Variants in RERE observed in about 807,000 individuals in gnomAD.
RERE encodes arginine-glutamic acid dipeptide repeats protein.
In RERE, 40 loss-of-function variants were observed where a neutral mutation model predicts 146.1. The ratio of observed to expected loss-of-function variants is 0.27; its 90% confidence interval spans 0.21 to 0.36. The LOEUF (loss-of-function observed/expected upper bound fraction) is 0.36, where lower values mean the gene tolerates loss of function less well. Among genes scored for constraint, RERE ranks in the 10% least tolerant of loss-of-function variants. The pLI is 1.00. For synonymous variants in RERE, 1,003 were observed against 866.0 expected, an observed-to-expected ratio of 1.16 and a Z score of -2.78; for missense variants, 1,933 against 2,138.7, an observed-to-expected ratio of 0.90 and a Z score of 1.90.
At chr1:8,435,587 C>G (rs1644159549) in intron 11 of RERE, among the ~76,000 whole-genome samples, 1 of 152,232 alleles carries the variant, frequency 6.6e-6, no homozygotes, top group Non-Finnish European at 1.5e-5. Context: ...GATGCCAGCT[C>G]AGCATCCAGA....
chr1:8,502,255 G>A (rs1308207603), intron 8 of RERE, among the ~76,000 whole-genome samples: 2 of 113,538 alleles, frequency 1.8e-5, no homozygotes, highest in South Asian at 3.3e-4. Context: ...TCCGGGAGGT[G>A]AGGGGCGCCT....
At chr1:8,674,958 G>A (rs897584003) in intron 1 of RERE, among the ~76,000 whole-genome samples, 2 of 152,312 alleles carry the variant, frequency 1.3e-5, no homozygotes, top group East Asian at 3.9e-4. Flanking sequence ...AGGCTGAAAT[G>A]TAAATGGAGC....
chr1:8,487,259 T>C (rs555978911), intron 10 of RERE, among the ~76,000 whole-genome samples: 6 of 152,020 alleles, frequency 3.9e-5, no homozygotes, highest in African/African-American at 1.2e-4. Flanking sequence ...ACAACCTGGA[T>C]ATATAAGAGA....
intron 12 of RERE, chr1:8,380,912 G>A: frequency 2.2e-6 from 1 of 456,678 alleles, no homozygotes; most frequent in South Asian, 1.5e-5. Context: ...CCAGGGCTTG[G>A]GAGCCTCCAT....
intron 1 of RERE, among the ~76,000 whole-genome samples, chr1:8,674,320 G>A (rs776029139): frequency 6.6e-6 from 1 of 152,050 alleles, no homozygotes; most frequent in African/African-American, 2.4e-5. Flanking sequence ...ATTATCATCA[G>A]AAGGAAAGTA....
chr1:8,537,185 T>C (rs947429864), intron 7 of RERE, among the ~76,000 whole-genome samples: 22 of 152,242 alleles, frequency 1.4e-4, no homozygotes, highest in African/African-American at 2.9e-4. Context: ...GCTGAGGCAA[T>C]AGAGTGTGAC....
chr1:8,418,960 A>G (rs111888107), intron 12 of RERE, among the ~76,000 whole-genome samples: 1 of 152,188 alleles, frequency 6.6e-6, no homozygotes, highest in African/African-American at 2.4e-5. Context: ...TGACTTATAC[A>G]AATATACTAA....
intron 12 of RERE, among the ~76,000 whole-genome samples, chr1:8,411,334 T>TC: frequency 6.6e-6 from 1 of 150,880 alleles, no homozygotes; most frequent in African/African-American, 2.4e-5. Flanking sequence ...TTTTTTTTTT[T>TC]AAAGAGATGG....
chr1:8,794,362 A>AC (rs1483193554), intron 1 of RERE, among the ~76,000 whole-genome samples: 1 of 149,154 alleles, frequency 6.7e-6, no homozygotes, highest in Non-Finnish European at 1.5e-5. Context: ...CGTCTCAAAA[A>AC]AAAAAAAAAA....
chr1:8,418,434 G>A (rs1321557072), intron 12 of RERE, among the ~76,000 whole-genome samples: 1 of 152,144 alleles, frequency 6.6e-6, no homozygotes, highest in African/African-American at 2.4e-5. Flanking sequence ...ACCAAGCTGG[G>A]GTAGATCACA....
chr1:8,425,456 G>A (rs755606224), intron 11 of RERE, among the ~76,000 whole-genome samples: 2 of 152,176 alleles, frequency 1.3e-5, no homozygotes, highest in Non-Finnish European at 2.9e-5. Context: ...AGTTCAGAAT[G>A]CCTTCGCCAA....
chr1:8,540,094 T>C (rs1645780677), intron 7 of RERE, among the ~76,000 whole-genome samples: 1 of 152,016 alleles, frequency 6.6e-6, no homozygotes, highest in Non-Finnish European at 1.5e-5. Flanking sequence ...TTTATTTATT[T>C]ATTTTTTATT....
At chr1:8,532,969 G>C (rs376331802) in intron 7 of RERE, among the ~76,000 whole-genome samples, 32 of 151,264 alleles carry the variant, frequency 2.1e-4, no homozygotes, top group Admixed American at 7.2e-4. Flanking sequence ...CTGACCTCAA[G>C]TGATCCACCG....
In RERE at chr1:8,356,166, T is replaced by G; in HGVS notation, c.4420A>C (p.Thr1474Pro). 1 of 1,517,850 alleles carries G rather than the reference T, an allele frequency of 6.6e-7. No individual in the cohort carries two copies. Among genetic ancestry groups the G allele is most frequent in the Non-Finnish European group, 8.7e-7 (1 of 1,142,932 alleles). 94.0% of individuals were successfully genotyped at this position (1,517,850 alleles called of 1,614,324 possible). ...HLARFPYPPG[T>P]LPNPLLGQPP... ...TGTCCAAGCAGAGGGTTGGGGAGAGTGCCAGGCGGGTAGGGGAAGCGAGCC... is the reference window on the plus strand; with the variant it reads ...TGTCCAAGCAGAGGGTTGGGGAGAGGGCCAGGCGGGTAGGGGAAGCGAGCC... The change falls in exon 21 of 23, where the codon ACT becomes CCT. Residue 1474 changes from threonine (T) to proline (P), a missense_variant. Physicochemically the swap from Thr to Pro is conservative, Grantham distance 38 (BLOSUM62 -1). This residue lies in a region of RERE where 133 missense variants were observed against 168.6 expected (regional missense o/e 0.79). Transcript: ENST00000400908. The surrounding 1 kb of genome is among the most constrained non-coding windows in gnomAD (Gnocchi z 5.2).
chr1:8,761,614 C>G (rs1640758067), intron 1 of RERE, among the ~76,000 whole-genome samples: 1 of 152,138 alleles, frequency 6.6e-6, no homozygotes, highest in Non-Finnish European at 1.5e-5. Context: ...ATTTCCCCTA[C>G]AGTTAGAAAG....
At chr1:8,480,143 GTTT>G (rs375571417) in intron 10 of RERE, among the ~76,000 whole-genome samples, 4 of 105,422 alleles carry the variant, frequency 3.8e-5, no homozygotes, top group African/African-American at 7.2e-5. Flanking sequence ...TTTTTTTTTT[GTTT>G]TTTTTTTTTT....
At chr1:8,501,162 G>C (rs1187096414) in intron 8 of RERE, among the ~76,000 whole-genome samples, 1 of 150,600 alleles carries the variant, frequency 6.6e-6, no homozygotes, top group Non-Finnish European at 1.5e-5. Flanking sequence ...CCGGGAGGGG[G>C]GGTCAGCCCC....
At chr1:8,390,208 T>C (rs556989381) in intron 12 of RERE, among the ~76,000 whole-genome samples, 13 of 152,228 alleles carry the variant, frequency 8.5e-5, no homozygotes, top group African/African-American at 3.1e-4. Flanking sequence ...GTGACACATC[T>C]GACAAGAACG....
At chr1:8,527,662 T>C (rs942600402) in intron 7 of RERE, among the ~76,000 whole-genome samples, 4 of 152,206 alleles carry the variant, frequency 2.6e-5, no homozygotes, top group Admixed American at 6.5e-5. Context: ...GGCCTTCCCC[T>C]GTGATAATGG....
Sources: gnomAD v4.1 joint callset for allele counts (sites outside exome capture counted in the v4.1 genomes callset) on GRCh38, gnomAD v4.1.1 for gene constraint, gnomAD v4.1.1 regional missense constraint, Gnocchi (gnomAD v3.1) non-coding constraint, MANE v1.5 for transcripts, NCBI Gene and HGNC (gene_info 2026-07-23, HGNC 2026-07-21) for gene names.